The following OR7C1 variants were observed in gnomAD, a reference collection of about 807,000 sequenced individuals.
The protein encoded by OR7C1 is olfactory receptor 7C1.
For synonymous variants in OR7C1, 152 were observed against 160.7 expected, an observed-to-expected ratio of 0.95 and a Z score of 0.41; for missense variants, 324 against 383.3, an observed-to-expected ratio of 0.85 and a Z score of 1.29.
chr19:14,810,558 T>A (rs919381497), intron 1 of OR7C1, among the ~76,000 whole-genome samples: 1 of 150,820 alleles, frequency 6.6e-6, no homozygotes, highest in Non-Finnish European at 1.5e-5. Context: ...TTTTTTTTTT[T>A]TTTTTTATAG....
chr19:14,799,064 T>G, exon 5 of OR7C1: 1 of 1,377,366 alleles, frequency 7.3e-7, no homozygotes, highest in Non-Finnish European at 9.7e-7. Context: ...AGCTCCTGTA[T>G]CAAAGACACG....
At chr19:14,807,320 G>A (rs1040988272) in intron 2 of OR7C1, among the ~76,000 whole-genome samples, 1 of 151,560 alleles carries the variant, frequency 6.6e-6, no homozygotes, top group Non-Finnish European at 1.5e-5. Context: ...TTCTTTTTTT[G>A]TTATTAATAG....
chr19:14,820,627 C>T (rs1430349195), intron 1 of OR7C1, among the ~76,000 whole-genome samples: 1 of 151,920 alleles, frequency 6.6e-6, no homozygotes, highest in African/African-American at 2.4e-5. Context: ...GAAACCACAA[C>T]AGTGAAGAAA....
At chr19:14,805,164 G>A (rs1390077438) in intron 2 of OR7C1, among the ~76,000 whole-genome samples, 1 of 151,804 alleles carries the variant, frequency 6.6e-6, no homozygotes, top group African/African-American at 2.4e-5. Flanking sequence ...TTCTTGTTCA[G>A]CTTTGATCAC....
chr19:14,812,934 G>A (rs1279434362), intron 1 of OR7C1, among the ~76,000 whole-genome samples: 2 of 151,842 alleles, frequency 1.3e-5, no homozygotes, highest in African/African-American at 4.8e-5. Context: ...GCAAAGTGGT[G>A]CACGCCTGTA....
intron 1 of OR7C1, chr19:14,824,865 C>A (rs1476845138): frequency 6.6e-6 from 1 of 152,122 alleles, no homozygotes; most frequent in East Asian, 1.9e-4. Flanking sequence ...ATATTATGCT[C>A]ATGAAATAAG....
At chr19:14,802,001 CAT>C (rs1429773200) in intron 2 of OR7C1, among the ~76,000 whole-genome samples, 3 of 152,158 alleles carry the variant, frequency 2.0e-5, no homozygotes, top group African/African-American at 7.2e-5. Flanking sequence ...AGAGCCAAAC[CAT>C]ATCAGTCAGG....
At chr19:14,828,020 A>G (rs1358152226) in intron 1 of OR7C1, 2 of 1,614,218 alleles carry the variant, frequency 1.2e-6, no homozygotes, top group East Asian at 4.5e-5. Flanking sequence ...TGGTGGTGGA[A>G]GTAACACAAA....
intron 1 of OR7C1, among the ~76,000 whole-genome samples, chr19:14,816,453 T>C (rs779997402): frequency 6.6e-6 from 1 of 152,222 alleles, no homozygotes; most frequent in Non-Finnish European, 1.5e-5. Context: ...AGGAGCCGAC[T>C]TGCTGAGTCT....
chr19:14,809,564 G>A (rs1382558149), intron 2 of OR7C1, among the ~76,000 whole-genome samples: 2 of 151,690 alleles, frequency 1.3e-5, no homozygotes, highest in African/African-American at 2.4e-5. Flanking sequence ...GAGATTGAAA[G>A]CAAGAAGAAA....
intron 1 of OR7C1, among the ~76,000 whole-genome samples, chr19:14,814,715 A>G (rs1378932177): frequency 3.3e-5 from 5 of 152,148 alleles, no homozygotes; most frequent in Admixed American, 1.3e-4. Flanking sequence ...GTAAGCCACC[A>G]TGCCTGGCCG....
exon 5 of OR7C1, chr19:14,799,567 A>G (rs2044628933): frequency 6.2e-7 from 1 of 1,614,130 alleles, no homozygotes; most frequent in African/African-American, 1.3e-5. Flanking sequence ...TGAAGGTGTC[A>G]GAACAGGCGA....
chr19:14,822,096 A>G (rs2044743515), intron 1 of OR7C1, among the ~76,000 whole-genome samples: 1 of 152,162 alleles, frequency 6.6e-6, no homozygotes. Context: ...TTCTTGATCT[A>G]TTCATTCTTT....
At chr19:14,808,717 C>G (rs1353975540) in intron 2 of OR7C1, among the ~76,000 whole-genome samples, 1 of 151,450 alleles carries the variant, frequency 6.6e-6, no homozygotes, top group Non-Finnish European at 1.5e-5. Flanking sequence ...CAGACTTCAC[C>G]ACTATGCAAT....
rs974059080 is a variant in OR7C1, at chr19:14,799,836, TCTGA to T, written c.297_300del (p.Ser99ArgfsTer16). ...CATCCAAATGAAGTGAAAAAAAAAA[TCTGA>T]CTGAGACAGCCTGCATATGTTATGA... On this transcript the variant is annotated frameshift_variant, in exon 5 of 5. Coordinates refer to ENST00000641666, the Ensembl canonical transcript of OR7C1. LOFTEE classifies it low-confidence loss of function (END_TRUNC). The T allele has an allele frequency of 8.7e-6, 14 of 1,613,204 alleles. No homozygotes were observed. The highest frequency in any genetic ancestry group is 1.1e-5 in the Non-Finnish European group (13 of 1,179,758).
intron 2 of OR7C1, 125 bp downstream of exon 2, chr19:14,809,681 G>C (rs989846361): frequency 6.6e-6 from 1 of 152,308 alleles, no homozygotes; most frequent in Non-Finnish European, 1.5e-5. Context: ...CAGAGCGAGG[G>C]ACACAAACTG....
At chr19:14,807,951 C>G (rs1417214784) in intron 2 of OR7C1, among the ~76,000 whole-genome samples, 1 of 151,014 alleles carries the variant, frequency 6.6e-6, no homozygotes. Flanking sequence ...TGAAAAATTG[C>G]TCAAAAATTT....
intron 1 of OR7C1, among the ~76,000 whole-genome samples, chr19:14,829,508 G>A (rs1284836484): frequency 4.6e-5 from 7 of 152,052 alleles, no homozygotes; most frequent in Admixed American, 6.6e-5. Context: ...TGGTTGGGAC[G>A]TGCTTCTTTC....
chr19:14,800,428 A>G (rs2044635920), exon 4 of OR7C1: 4 of 347,970 alleles, frequency 1.1e-5, no homozygotes, highest in Admixed American at 4.4e-5. Context: ...CTTTAAATGC[A>G]GAATCCCTGG....
Sources: allele counts gnomAD v4.1 joint callset (sites outside exome capture counted in the v4.1 genomes callset), GRCh38; gene constraint gnomAD v4.1.1; transcripts MANE v1.5; gene names NCBI Gene and HGNC (gene_info 2026-07-23, HGNC 2026-07-21).